Variants in EPHA6 observed in about 807,000 individuals in gnomAD.
EPHA6 encodes ephrin type-A receptor 6.
EPHA6 carries 50 observed loss-of-function variants against 112.0 expected under a neutral mutation model. The ratio of observed to expected loss-of-function variants is 0.45; its 90% CI spans 0.36 to 0.56. The LOEUF (loss-of-function observed/expected upper bound fraction) is 0.56, where lower values mean the gene tolerates loss of function less well. Among genes scored for constraint, EPHA6 ranks in the 20% least tolerant of loss-of-function variants. The probability of loss-of-function intolerance (pLI) is 0.00; values close to 1 mark genes in which losing one functional copy is unlikely to be tolerated. For missense variants in EPHA6, 1,280 were observed against 1,417.4 expected, an observed-to-expected ratio of 0.90 and a Z score of 1.56; for synonymous variants, 529 against 490.7, an observed-to-expected ratio of 1.08 and a Z score of -1.03.
intron 12 of EPHA6, among the ~76,000 whole-genome samples, chr3:97,596,973 A>AAT (rs924928624): frequency 6.8e-6 from 1 of 147,532 alleles, no homozygotes. Context: ...ATAAATATGG[A>AAT]ATATATATAT....
At chr3:97,024,112 C>G (rs1227791130) in intron 3 of EPHA6, among the ~76,000 whole-genome samples, 2 of 152,040 alleles carry the variant, frequency 1.3e-5, no homozygotes, top group Non-Finnish European at 2.9e-5. Context: ...TAAATATACC[C>G]TATGTTCCCA....
At chr3:96,823,842 A>C (rs951254787) in intron 1 of EPHA6, among the ~76,000 whole-genome samples, 2 of 151,838 alleles carry the variant, frequency 1.3e-5, no homozygotes, top group African/African-American at 4.8e-5. Context: ...TCAGAAAGAG[A>C]TCTTCATTTT....
Position 97,274,228 on chromosome 3 carries a change from G to T in EPHA6, c.1606+29941G>T, listed in dbSNP as rs186196948. On this transcript the variant is annotated intron_variant, in intron 5 of 17. Transcript: ENST00000389672. Reference sequence around the variant, plus strand: ...TGCCTTGTGTGGGAAGAGATTGATAGGTGGAAGTTTCAGCGGGGGAGTAGG... The same window carrying T: ...TGCCTTGTGTGGGAAGAGATTGATATGTGGAAGTTTCAGCGGGGGAGTAGG... Among the ~76,000 whole-genome samples, 267 of 152,314 alleles carry T rather than the reference G, an allele frequency of 1.8e-3. 1 individual carries two copies. The highest frequency in any genetic ancestry group is 3.0e-3 in the Non-Finnish European group (204 of 68,022).
intron 3 of EPHA6, among the ~76,000 whole-genome samples, chr3:97,163,150 T>C (rs924995529): frequency 6.6e-6 from 1 of 152,098 alleles, no homozygotes; most frequent in Non-Finnish European, 1.5e-5. Flanking sequence ...TTCTGGACTC[T>C]CCCATTGTGG....
chr3:97,079,660 G>C (rs1056405217), intron 3 of EPHA6, among the ~76,000 whole-genome samples: 1 of 149,694 alleles, frequency 6.7e-6, no homozygotes, highest in South Asian at 2.1e-4. Context: ...CTCCAGTTTT[G>C]GAAAAAGTTA....
chr3:97,642,652 T>C (rs1342262937), intron 14 of EPHA6, among the ~76,000 whole-genome samples: 1 of 152,078 alleles, frequency 6.6e-6, no homozygotes, highest in Non-Finnish European at 1.5e-5. Flanking sequence ...TGCAGAAGTC[T>C]TAGGAGCCGA....
intron 2 of EPHA6, among the ~76,000 whole-genome samples, chr3:96,919,010 A>T (rs1262602621): frequency 4.6e-5 from 7 of 152,024 alleles, no homozygotes; most frequent in Non-Finnish European, 5.9e-5. Context: ...TGAGTATTTT[A>T]TAGTTAAGCA....
chr3:97,596,736 G>A (rs1220734010), intron 12 of EPHA6, among the ~76,000 whole-genome samples: 1 of 145,216 alleles, frequency 6.9e-6, no homozygotes, highest in East Asian at 2.0e-4. Context: ...TATCAGTTGT[G>A]AGACTTGATA....
intron 5 of EPHA6, among the ~76,000 whole-genome samples, chr3:97,362,187 ATC>A (rs2084407865): frequency 6.6e-6 from 1 of 152,134 alleles, no homozygotes; most frequent in African/African-American, 2.4e-5. Context: ...GGAGATTTAC[ATC>A]TGTTTCTCAT....
At chr3:97,418,630 A>G (rs1371500179) in intron 6 of EPHA6, among the ~76,000 whole-genome samples, 2 of 152,162 alleles carry the variant, frequency 1.3e-5, no homozygotes, top group African/African-American at 4.8e-5. Context: ...GTGTTTAGAG[A>G]TAAACAAAAA....
chr3:97,221,924 G>T (rs530368382), intron 3 of EPHA6, among the ~76,000 whole-genome samples: 41 of 151,958 alleles, frequency 2.7e-4, no homozygotes, highest in African/African-American at 9.2e-4. Context: ...CAGCTAGTCA[G>T]GAGGCTGAGG....
rs542648311 is a variant in EPHA6, at chr3:97,586,684, TA to T, written c.2387-5927del. Reference sequence around the variant, plus strand: ...GAAAGATGGTAGGTAGGTCAGTACTTAGATAGATGGATGGATAGATGATGGA... The same window carrying T: ...GAAAGATGGTAGGTAGGTCAGTACTTGATAGATGGATGGATAGATGATGGA... On this transcript the variant is annotated intron_variant, in intron 11 of 17. Transcript: ENST00000389672. Among the ~76,000 whole-genome samples the T allele has an allele frequency of 2.8e-3, 422 of 151,192 alleles. 5 individuals carry two copies. Among genetic ancestry groups the T allele is most frequent in the African/African-American group, 1.0e-2 (407 of 40,898 alleles).
intron 3 of EPHA6, among the ~76,000 whole-genome samples, chr3:97,056,473 CT>C (rs2045856956): frequency 6.6e-6 from 1 of 152,278 alleles, no homozygotes; most frequent in East Asian, 1.9e-4. Context: ...GGAAATTGGT[CT>C]TCTAGTTTGA....
At position 97,637,588 on chromosome 3, in the gene EPHA6, C is replaced by T. The variant is rs574737671; in HGVS notation, c.2575-285C>T. On this transcript the variant is annotated intron_variant, in intron 13 of 17. Transcript: ENST00000389672. Reference sequence around the variant, plus strand: ...TCTTACTTTATTTCACTTTAGTTCTCTCCTATTACCTAAGCTTTTGAAATA... The same window carrying T: ...TCTTACTTTATTTCACTTTAGTTCTTTCCTATTACCTAAGCTTTTGAAATA... Among the ~76,000 whole-genome samples, 6 of 152,234 alleles carry T rather than the reference C, an allele frequency of 3.9e-5. No homozygotes were observed. The East Asian group carries it at 7.7e-4, about 20-fold the overall frequency.
chr3:97,568,963 T>A (rs1440965243), intron 11 of EPHA6, among the ~76,000 whole-genome samples: 1 of 152,230 alleles, frequency 6.6e-6, no homozygotes, highest in East Asian at 1.9e-4. Context: ...GATAGGATTG[T>A]TGCTGAAGAC....
chr3:96,908,285 G>C (rs183072913), intron 2 of EPHA6, among the ~76,000 whole-genome samples: 1 of 151,908 alleles, frequency 6.6e-6, no homozygotes, highest in Non-Finnish European at 1.5e-5. Context: ...GGTCCATTTA[G>C]ACTTACTTAT....
At chr3:97,625,629 TTGTC>T (rs1358897037) in intron 13 of EPHA6, among the ~76,000 whole-genome samples, 5 of 151,730 alleles carry the variant, frequency 3.3e-5, no homozygotes, top group African/African-American at 9.7e-5. Flanking sequence ...TTTGAAATGT[TTGTC>T]TGTCTGTTTC....
chr3:96,838,400 T>C (rs1011481576), intron 1 of EPHA6, among the ~76,000 whole-genome samples: 35 of 152,264 alleles, frequency 2.3e-4, no homozygotes, highest in African/African-American at 8.2e-4. Flanking sequence ...TTTATATTCC[T>C]TTGGGCATTT....
intron 3 of EPHA6, among the ~76,000 whole-genome samples, chr3:97,221,618 C>G (rs1229500776): frequency 6.6e-6 from 1 of 152,072 alleles, no homozygotes; most frequent in Non-Finnish European, 1.5e-5. Flanking sequence ...ATTTATAACC[C>G]AATTCTAACA....
Sources: allele counts gnomAD v4.1 joint callset (sites outside exome capture counted in the v4.1 genomes callset), GRCh38; gene constraint gnomAD v4.1.1; transcripts MANE v1.5; gene names NCBI Gene and HGNC (gene_info 2026-07-23, HGNC 2026-07-21).